Variants in ZNF487 observed in about 807,000 individuals in gnomAD.
ZNF487 encodes the protein KRAB domain only 1.
ZNF487 carries 4 observed loss-of-function variants against 3.0 expected under a neutral mutation model. The observed-to-expected ratio is 1.35, with a 90% confidence interval of 0.66 to 3.08. The LOEUF is 3.08. ZNF487 is among the 30% of genes most tolerant of loss of function. ZNF487 has a pLI of 0.01. For synonymous variants in ZNF487, 55 were observed against 34.6 expected, an observed-to-expected ratio of 1.59 and a Z score of -2.06; for missense variants, 146 against 98.7, an observed-to-expected ratio of 1.48 and a Z score of -2.03.
the ZNF487 span, among the ~76,000 whole-genome samples, chr10:43,515,902 G>C: frequency 6.6e-6 from 1 of 152,140 alleles, no homozygotes; most frequent in Admixed American, 6.6e-5. Context: ...AGCCTCTTGA[G>C]TAGCTGGGAC....
Position 43,482,632 on chromosome 10 carries a change from A to C in ZNF487, c.*710A>C. 2.0e-6 allele frequency: 1 copy of C among 498,488 alleles called. No individual in the cohort carries two copies. Among genetic ancestry groups the C allele is most frequent in the Middle Eastern group, 3.2e-4 (1 of 3,118 alleles). 30.9% of individuals were successfully genotyped at this position (498,488 alleles called of 1,614,324 possible). Reference sequence around the variant, plus strand: ...GGTGATAGGTCAGCTCTAAAAGTACATCAGAGAATACATACTGGCGAGAAA... The same window carrying C: ...GGTGATAGGTCAGCTCTAAAAGTACCTCAGAGAATACATACTGGCGAGAAA... On this transcript the variant is annotated 3_prime_UTR_variant, in exon 4 of 4. Transcript: ENST00000437590.
At chr10:43,471,590 G>T (rs904171531) in intron 1 of ZNF487, among the ~76,000 whole-genome samples, 5 of 152,164 alleles carry the variant, frequency 3.3e-5, no homozygotes, top group African/African-American at 1.2e-4. Flanking sequence ...TGAAGTCAGA[G>T]AATTTTATTG....
At chr10:43,437,782 C>A (rs1839439490) in intron 1 of ZNF487, among the ~76,000 whole-genome samples, 1 of 152,014 alleles carries the variant, frequency 6.6e-6, no homozygotes, top group Non-Finnish European at 1.5e-5. Context: ...TCTCTTACAT[C>A]GGCAGCTCTT....
At chr10:43,443,271 C>T (rs1639294269) in intron 1 of ZNF487, among the ~76,000 whole-genome samples, 1 of 151,780 alleles carries the variant, frequency 6.6e-6, no homozygotes, top group East Asian at 1.9e-4. Context: ...ACCATGTTAG[C>T]CAGGCTGGTC....
rs189646930 is a variant in ZNF487 at position 43,482,705 on chromosome 10, C to T, written c.*783C>T. 1,187 of 467,488 alleles carry T rather than the reference C, an allele frequency of 2.5e-3. No homozygotes were observed. Among genetic ancestry groups the T allele is most frequent in the Middle Eastern group, 4.4e-3 (13 of 2,924 alleles). The allele number at this position is 467,488 out of a possible 1,614,324, so 29.0% of individuals were successfully genotyped here. A position where few individuals can be genotyped will look rare whatever the true frequency, so the allele number is the denominator to read the frequency against. On this transcript the variant is annotated 3_prime_UTR_variant, in exon 4 of 4. Coordinates refer to ENST00000437590, the MANE Select transcript of ZNF487 (RefSeq NM_001355444.3). Reference sequence around the variant, plus strand: ...GGAAAACTTTCTCCCAGAAGCCAAACTTCATTAATCATCAGTGAACTCACA... The same window carrying T: ...GGAAAACTTTCTCCCAGAAGCCAAATTTCATTAATCATCAGTGAACTCACA...
At chr10:43,466,181 A>AGAGAGGGAGAGGGAGGCCGTAGG (rs1554798614) in intron 1 of ZNF487, among the ~76,000 whole-genome samples, 2 of 135,482 alleles carry the variant, frequency 1.5e-5, no homozygotes, top group Admixed American at 7.7e-5. Context: ...GACCGTGGAA[A>AGAGAGGGAGAGGGAGGCCGTAGG]GAGAGGGAGA....
the ZNF487 span, among the ~76,000 whole-genome samples, chr10:43,496,797 A>G: frequency 6.6e-6 from 1 of 152,016 alleles, no homozygotes; most frequent in Admixed American, 6.6e-5. Context: ...ATCCTCACAT[A>G]GTGGAGAGAG....
intron 3 of ZNF487, among the ~76,000 whole-genome samples, chr10:43,478,283 G>A (rs1030827434): frequency 1.1e-4 from 16 of 152,202 alleles, no homozygotes; most frequent in African/African-American, 3.4e-4. Context: ...GGCCAGGCGC[G>A]GTGGCTCATG....
intron 1 of ZNF487, among the ~76,000 whole-genome samples, chr10:43,450,124 A>G (rs1589026086): frequency 6.6e-6 from 1 of 151,880 alleles, no homozygotes; most frequent in Non-Finnish European, 1.5e-5. Context: ...GCTCACTGCA[A>G]CCTCCGCCTC....
chr10:43,453,705 C>T (rs1427813786), intron 1 of ZNF487: 1 of 152,182 alleles, frequency 6.6e-6, no homozygotes, highest in Non-Finnish European at 1.5e-5. Context: ...GGTTACTGAT[C>T]ATGACATGCA....
In ZNF487 at chr10:43,472,923, G is replaced by A. The variant is rs369046791; in HGVS notation, c.-93-2798G>A. 8.3e-4 allele frequency among the ~76,000 whole-genome samples: 126 copies of A among 151,378 alleles called. 1 individual carries two copies. The South Asian group carries it at 0.018, about 22-fold the overall frequency. On this transcript the variant is annotated intron_variant, in intron 1 of 3. Coordinates refer to ENST00000437590, the MANE Select transcript of ZNF487 (RefSeq NM_001355444.3). ...TGGGTGGGTGCAGTGGCTCATGCCT[G>A]TAATCCAAGCACTTTGGGAGGCTGA...
intron 3 of ZNF487, among the ~76,000 whole-genome samples, chr10:43,479,055 G>A (rs1841209274): frequency 6.8e-6 from 1 of 146,800 alleles, no homozygotes; most frequent in African/African-American, 2.5e-5. Flanking sequence ...ATTTGTGTGT[G>A]TGTGTGAATA....
rs182129473 is a variant in ZNF487 at position 43,446,529 on chromosome 10, C to T, written c.-94+9267C>T. On this transcript the variant is annotated intron_variant, in intron 1 of 3. Coordinates refer to ENST00000437590, the MANE Select transcript of ZNF487 (RefSeq NM_001355444.3). Reference sequence around the variant, plus strand: ...CTCACCTCCCAGACGGGGTGGCGGCCGGGTAGAGATGCTCCTCACCTCCCA... The same window carrying T: ...CTCACCTCCCAGACGGGGTGGCGGCTGGGTAGAGATGCTCCTCACCTCCCA... 4.1e-4 allele frequency among the ~76,000 whole-genome samples: 60 copies of T among 146,344 alleles called. No individual in the cohort carries two copies. In the East Asian group the frequency reaches 8.6e-3, roughly 21 times the overall value.
chr10:43,468,635 C>T (rs1379050999), intron 1 of ZNF487, among the ~76,000 whole-genome samples: 8 of 135,698 alleles, frequency 5.9e-5, no homozygotes, highest in Admixed American at 2.5e-4. Flanking sequence ...GCTGCGATCG[C>T]GCCATTGCAC....
In ZNF487 at chr10:43,456,615, C is replaced by G. The variant is rs975655073; in HGVS notation, c.-93-19106C>G. Among the ~76,000 whole-genome samples the G allele has an allele frequency of 2.6e-5, 4 of 152,184 alleles. No individual in the cohort carries two copies. In the South Asian group the frequency reaches 6.2e-4, roughly 24 times the overall value. The stretch of plus-strand genomic sequence containing the variant: ...TTTTCTTTTGAGATGGAGTGTCGCT[C>G]TGTCGCCCAGGCTGGCGTGCAGTGG... On this transcript the variant is annotated intron_variant, in intron 1 of 3. Transcript: ENST00000437590.
chr10:43,511,184 CA>C, the ZNF487 span, among the ~76,000 whole-genome samples: 4 of 152,178 alleles, frequency 2.6e-5, no homozygotes, highest in Non-Finnish European at 5.9e-5. Flanking sequence ...CCCAGCCTTG[CA>C]AAATATTGTC....
intron 1 of ZNF487, among the ~76,000 whole-genome samples, chr10:43,449,639 T>C (rs1380253803): frequency 6.6e-6 from 1 of 152,126 alleles, no homozygotes. Flanking sequence ...TCTGTTTATA[T>C]TGTTGTAATG....
chr10:43,483,336 A>T (rs1416937446), downstream of ZNF487, among the ~76,000 whole-genome samples: 1 of 149,970 alleles, frequency 6.7e-6, no homozygotes, highest in Non-Finnish European at 1.5e-5. Flanking sequence ...TGTCTCCTGG[A>T]TTCAAGCAAT....
At chr10:43,465,022 A>G (rs7911915) in intron 1 of ZNF487, among the ~76,000 whole-genome samples, 13,631 of 132,876 alleles carry the variant, frequency 0.1, 1,265 homozygotes, top group African/African-American at 0.29. Flanking sequence ...TCCCTCCCGG[A>G]CGGGGCGGCT....
Sources: gnomAD v4.1 joint callset for allele counts (sites outside exome capture counted in the v4.1 genomes callset) on GRCh38, gnomAD v4.1.1 for gene constraint, MANE v1.5 for transcripts, NCBI Gene and HGNC (gene_info 2026-07-23, HGNC 2026-07-21) for gene names.